The following PPM1E variants were observed in gnomAD, a reference collection of about 807,000 sequenced individuals.
PPM1E encodes protein phosphatase, Mg2+/Mn2+ dependent 1E, also known as protein phosphatase 1E.
A neutral mutation model predicts 65.9 loss-of-function variants in PPM1E; 20 were observed. That is an observed-to-expected ratio of 0.30 (90% CI 0.21 to 0.44). PPM1E has a LOEUF of 0.44. Ranked by LOEUF, PPM1E falls within the 20% of genes least tolerant of loss-of-function variation. The pLI is 1.00. For missense variants in PPM1E, 713 were observed against 953.1 expected (o/e 0.75, Z 3.32); for synonymous variants, 352 against 374.9 (o/e 0.94, Z 0.70).
intron 1 of PPM1E, among the ~76,000 whole-genome samples, chr17:58,813,056 T>C (rs992627233): frequency 3.3e-5 from 5 of 152,212 alleles, no homozygotes; most frequent in Non-Finnish European, 7.3e-5. Context: ...CAGTGAGAGA[T>C]GAGGGAAATA....
chr17:58,781,588 A>G (rs964689080), intron 1 of PPM1E, among the ~76,000 whole-genome samples: 13 of 152,248 alleles, frequency 8.5e-5, no homozygotes, highest in African/African-American at 3.1e-4. Flanking sequence ...CTTGAGGGAT[A>G]TACACCAAAT....
At chr17:58,873,653 G>GCA (rs1370029400) in intron 1 of PPM1E, among the ~76,000 whole-genome samples, 1 of 150,854 alleles carries the variant, frequency 6.6e-6, no homozygotes, top group African/African-American at 2.4e-5. Flanking sequence ...GAGTGCAGTG[G>GCA]CACAATCATA....
Position 58,902,456 on chromosome 17 carries a change from A to T in PPM1E, c.465-53193A>T, listed in dbSNP as rs569545165. On this transcript the variant is annotated intron_variant, in intron 1 of 6. Transcript: ENST00000308249. ...GCTGGGGATCCCTCACCATTTTTTT[A>T]AAAAATAAAATACACCCATTAAGTA... Among the ~76,000 whole-genome samples, 120 of 152,102 alleles carry T rather than the reference A, an allele frequency of 7.9e-4. 1 individual carries two copies. In the South Asian group the frequency reaches 0.012, roughly 15 times the overall value.
At chr17:58,974,263 G>T (rs187679050) in intron 6 of PPM1E, among the ~76,000 whole-genome samples, 18 of 152,228 alleles carry the variant, frequency 1.2e-4, no homozygotes, top group Admixed American at 7.9e-4. Flanking sequence ...TTATTTCCAT[G>T]AATTTTAAAA....
At chr17:58,811,708 G>T (rs888377169) in intron 1 of PPM1E, among the ~76,000 whole-genome samples, 1 of 151,820 alleles carries the variant, frequency 6.6e-6, no homozygotes, top group African/African-American at 2.4e-5. Flanking sequence ...GTCTCACTCA[G>T]TCGCCAGGCC....
chr17:58,773,400 AT>A (rs149528862), intron 1 of PPM1E, among the ~76,000 whole-genome samples: 120 of 152,100 alleles, frequency 7.9e-4, no homozygotes, highest in Admixed American at 1.9e-3. Flanking sequence ...TATTAGTTTA[AT>A]TTTTCCATCC....
At chr17:58,969,385 C>A (rs2030452906) in intron 3 of PPM1E, 154 bp from the exon 4 acceptor site, 1 of 769,346 alleles carries the variant, frequency 1.3e-6, no homozygotes, top group Non-Finnish European at 2.3e-6. Flanking sequence ...AGCAGTTGAT[C>A]AGGCATGTTA....
intron 1 of PPM1E, among the ~76,000 whole-genome samples, chr17:58,793,387 G>T (rs1439133032): frequency 6.6e-6 from 1 of 150,712 alleles, no homozygotes; most frequent in Admixed American, 6.6e-5. Context: ...ATGGAGTCTT[G>T]CTCTGTCACC....
chr17:58,807,143 T>G (rs2050323865), intron 1 of PPM1E, among the ~76,000 whole-genome samples: 1 of 152,340 alleles, frequency 6.6e-6, no homozygotes, highest in South Asian at 2.1e-4. Flanking sequence ...ATTGTTGAAC[T>G]TGGATACATG....
chr17:58,830,971 C>T (rs750404969), intron 1 of PPM1E, among the ~76,000 whole-genome samples: 1 of 151,278 alleles, frequency 6.6e-6, no homozygotes, highest in Non-Finnish European at 1.5e-5. Context: ...AGGCGTGAGC[C>T]ACCCTACCTG....
At chr17:58,761,687 C>T (rs1006476333) in intron 1 of PPM1E, among the ~76,000 whole-genome samples, 1 of 152,150 alleles carries the variant, frequency 6.6e-6, no homozygotes, top group Admixed American at 6.5e-5. Context: ...AACACCTCTT[C>T]CTTGAGGAAG....
intron 6 of PPM1E, among the ~76,000 whole-genome samples, chr17:58,974,037 A>G (rs1327876057): frequency 6.6e-6 from 1 of 150,728 alleles, no homozygotes; most frequent in Non-Finnish European, 1.5e-5. Context: ...CTGAGGCGGA[A>G]GGATTGCTTG....
intron 1 of PPM1E, among the ~76,000 whole-genome samples, chr17:58,933,668 C>T (rs1028146781): frequency 6.6e-6 from 1 of 151,528 alleles, no homozygotes; most frequent in Admixed American, 6.6e-5. Flanking sequence ...TGGTGGCGGG[C>T]GCCAGTAATC....
chr17:58,765,877 CT>C (rs35401844), intron 1 of PPM1E, among the ~76,000 whole-genome samples: 22,970 of 122,718 alleles, frequency 0.19, 1,793 homozygotes, highest in Non-Finnish European at 0.22. Context: ...TTTGTAGTTT[CT>C]TTTTTTTTTT....
intron 4 of PPM1E, among the ~76,000 whole-genome samples, chr17:58,970,837 T>C (rs1200476198): frequency 6.6e-6 from 1 of 152,006 alleles, no homozygotes; most frequent in African/African-American, 2.4e-5. Flanking sequence ...GCTTTTATCA[T>C]CTGAGTCGAG....
chr17:58,805,968 AAAAAACAAAAAAAAAACAAAACAAAAC>A (rs1292043011), intron 1 of PPM1E, among the ~76,000 whole-genome samples: 3 of 111,322 alleles, frequency 2.7e-5, no homozygotes, highest in East Asian at 2.7e-4. Context: ...AAACAAAAAA[AAAAAACAAAAAAAAAACAAAACAAAAC>A]AAAACAAAAA....
intron 1 of PPM1E, among the ~76,000 whole-genome samples, chr17:58,795,094 G>C (rs1046487151): frequency 1.3e-5 from 2 of 151,970 alleles, no homozygotes; most frequent in Non-Finnish European, 2.9e-5. Context: ...GTTTCACCGT[G>C]TTGGTCAGGC....
intron 1 of PPM1E, among the ~76,000 whole-genome samples, chr17:58,931,357 A>T (rs1218020871): frequency 1.4e-5 from 2 of 147,844 alleles, no homozygotes; most frequent in East Asian, 4.2e-4. Context: ...TTGCACTCCA[A>T]CCTGAGCGAC....
chr17:58,771,392 G>A (rs771379109), intron 1 of PPM1E, among the ~76,000 whole-genome samples: 20 of 151,350 alleles, frequency 1.3e-4, no homozygotes, highest in African/African-American at 2.2e-4. Context: ...TTGGGAGGCC[G>A]AGGCGGGTGG....
Sources: allele counts gnomAD v4.1 joint callset (sites outside exome capture counted in the v4.1 genomes callset), GRCh38; gene constraint gnomAD v4.1.1; transcripts MANE v1.5; gene names NCBI Gene and HGNC (gene_info 2026-07-23, HGNC 2026-07-21).